VPS13B: variants seen among roughly 807,000 people sequenced by gnomAD.
VPS13B encodes vacuolar protein sorting 13 homolog B.
In VPS13B, 285 loss-of-function variants were observed where a neutral mutation model predicts 426.4. That is an observed-to-expected ratio of 0.67 (90% CI 0.61 to 0.74). The LOEUF is 0.74. Among genes scored for constraint, VPS13B ranks in the 30% least tolerant of loss-of-function variants. The pLI is 0.00. For missense variants in VPS13B, 4,537 were observed against 4,782.6 expected (o/e 0.95, Z 1.51); for synonymous variants, 1,676 against 1,676.4 (o/e 1.00, Z 0.01).
intron 34 of VPS13B, among the ~76,000 whole-genome samples, chr8:99,644,195 C>A (rs1382502998): frequency 6.6e-6 from 1 of 152,110 alleles, no homozygotes; most frequent in Non-Finnish European, 1.5e-5. Context: ...CAAGCCCAAC[C>A]TAAGGATACT....
chr8:99,338,740 T>C (rs984945006), intron 19 of VPS13B, among the ~76,000 whole-genome samples: 10 of 152,156 alleles, frequency 6.6e-5, no homozygotes, highest in Non-Finnish European at 1.2e-4. Flanking sequence ...TGCAGAATTT[T>C]ATTGTTTTGA....
intron 16 of VPS13B, among the ~76,000 whole-genome samples, chr8:99,171,394 T>C (rs1488153077): frequency 6.6e-6 from 1 of 152,028 alleles, no homozygotes; most frequent in Admixed American, 6.6e-5. Flanking sequence ...CGTTATGTGC[T>C]GATTAATTTA....
At chr8:99,369,532 A>G (rs1813069587) in intron 19 of VPS13B, among the ~76,000 whole-genome samples, 1 of 138,554 alleles carries the variant, frequency 7.2e-6, no homozygotes, top group Admixed American at 7.0e-5. Context: ...CCCACACAGA[A>G]CTGGAATAAG....
chr8:99,649,714 A>G (rs1175710003), intron 34 of VPS13B, among the ~76,000 whole-genome samples: 1 of 152,090 alleles, frequency 6.6e-6, no homozygotes, highest in African/African-American at 2.4e-5. Flanking sequence ...AGAGAAAAAA[A>G]AAGAAAAGAA....
intron 31 of VPS13B, among the ~76,000 whole-genome samples, chr8:99,572,167 A>G (rs953103191): frequency 1.3e-5 from 2 of 152,220 alleles, no homozygotes; most frequent in Non-Finnish European, 2.9e-5. Context: ...TGGCTTGCTA[A>G]CGAAACATAA....
chr8:99,267,165 A>T (rs555082762), intron 17 of VPS13B, among the ~76,000 whole-genome samples: 5 of 152,308 alleles, frequency 3.3e-5, no homozygotes, highest in African/African-American at 1.2e-4. Flanking sequence ...TTTGACTAAA[A>T]TGCTGACAGT....
intron 5 of VPS13B, among the ~76,000 whole-genome samples, chr8:99,106,871 G>A (rs1847076447): frequency 6.6e-6 from 1 of 152,174 alleles, no homozygotes; most frequent in Non-Finnish European, 1.5e-5. Flanking sequence ...ATGTGGGATG[G>A]CGAGTTTGCA....
chr8:99,171,798 A>G (rs1164710649), intron 16 of VPS13B, among the ~76,000 whole-genome samples: 1 of 152,124 alleles, frequency 6.6e-6, no homozygotes. Flanking sequence ...GTAAAAAAAA[A>G]CTTTAGTAAC....
chr8:99,713,390 G>T (rs138763200), intron 36 of VPS13B, among the ~76,000 whole-genome samples: 2 of 151,156 alleles, frequency 1.3e-5, no homozygotes, highest in Non-Finnish European at 2.9e-5. Context: ...CTTTAATTTT[G>T]ACCACTCCAA....
chr8:99,103,242 G>A (rs1846856409), intron 5 of VPS13B, 122 bp downstream of exon 5: 3 of 1,165,856 alleles, frequency 2.6e-6, no homozygotes, highest in Admixed American at 3.6e-5. Flanking sequence ...TGCCTCCAGT[G>A]TGGGAAAAAA....
At chr8:99,721,226 G>A (rs904643573) in intron 39 of VPS13B, among the ~76,000 whole-genome samples, 179 bp downstream of exon 39, 2 of 152,220 alleles carry the variant, frequency 1.3e-5, no homozygotes, top group African/African-American at 2.4e-5. Context: ...TAAAAAATAA[G>A]GTAATAATGT....
Position 99,349,322 on chromosome 8 carries a change from G to A in VPS13B, c.2825-34886G>A, listed in dbSNP as rs866113573. Among the ~76,000 whole-genome samples the A allele has an allele frequency of 6.3e-5, 5 of 79,100 alleles. No individual in the cohort carries two copies. In the Middle Eastern group the frequency reaches 0.039, roughly 624 times the overall value. The allele number at this position is 79,100 out of a possible 152,430, so 51.9% of individuals were successfully genotyped here. A position where few individuals can be genotyped will look rare whatever the true frequency, so the allele number is the denominator to read the frequency against. On this transcript the variant is annotated intron_variant, in intron 19 of 61. Coordinates refer to ENST00000357162, the MANE Select transcript of VPS13B (RefSeq NM_152564.5). The stretch of plus-strand genomic sequence containing the variant: ...CACTCCAGCCTGGGCGACAGAGCGA[G>A]ACTCCGTCTCAAAAAAAAAAAAAAA...
chr8:99,203,927 A>G (rs1428431966), intron 17 of VPS13B, among the ~76,000 whole-genome samples: 3 of 152,230 alleles, frequency 2.0e-5, no homozygotes, highest in Non-Finnish European at 4.4e-5. Flanking sequence ...GAAAATGGCC[A>G]TACTGCCCAA....
At chr8:99,589,928 C>G (rs200447989) in intron 33 of VPS13B, among the ~76,000 whole-genome samples, 3 of 152,188 alleles carry the variant, frequency 2.0e-5, no homozygotes, top group African/African-American at 7.2e-5. Context: ...GCTCCTCTTT[C>G]TACCTCTGAT....
intron 13 of VPS13B, among the ~76,000 whole-genome samples, chr8:99,143,883 A>T (rs371485890): frequency 6.6e-6 from 1 of 152,214 alleles, no homozygotes; most frequent in East Asian, 1.9e-4. Flanking sequence ...AATTTCTATA[A>T]CAGAAGTAAA....
intron 14 of VPS13B, among the ~76,000 whole-genome samples, chr8:99,149,377 G>A (rs563728153): frequency 2.6e-5 from 4 of 152,332 alleles, no homozygotes; most frequent in Middle Eastern, 3.4e-3. Context: ...GAGAGCAGTG[G>A]TGAAATCTCA....
intron 13 of VPS13B, among the ~76,000 whole-genome samples, chr8:99,147,447 G>A (rs1028283352): frequency 2.0e-5 from 3 of 152,078 alleles, no homozygotes. Context: ...TTTTTAATAT[G>A]CTGTGGATAC....
chr8:99,807,677 T>G (rs1056942416), intron 43 of VPS13B, among the ~76,000 whole-genome samples: 5 of 146,188 alleles, frequency 3.4e-5, no homozygotes, highest in Non-Finnish European at 7.6e-5. Flanking sequence ...CAGGGTGTGT[T>G]TGTGTGTGTG....
At chr8:99,083,204 A>G (rs1392712909) in intron 3 of VPS13B, among the ~76,000 whole-genome samples, 3 of 152,034 alleles carry the variant, frequency 2.0e-5, no homozygotes, top group Non-Finnish European at 4.4e-5. Context: ...ATTCCTAGGT[A>G]TTTTATTCCT....
Sources: gnomAD v4.1 joint callset for allele counts (sites outside exome capture counted in the v4.1 genomes callset) on GRCh38, gnomAD v4.1.1 for gene constraint, MANE v1.5 for transcripts, NCBI Gene and HGNC (gene_info 2026-07-23, HGNC 2026-07-21) for gene names.